Variants in IL1RAPL2 observed in about 807,000 individuals in gnomAD.
IL1RAPL2 encodes the protein X-linked interleukin-1 receptor accessory protein-like 2.
A neutral mutation model predicts 44.1 loss-of-function variants in IL1RAPL2; 3 were observed. That is an observed-to-expected ratio of 0.07 (90% confidence interval 0.03 to 0.18). The LOEUF is 0.18. Among genes scored for constraint, IL1RAPL2 ranks in the 10% least tolerant of loss-of-function variants. IL1RAPL2 has a pLI of 1.00. For synonymous variants in IL1RAPL2, 181 were observed against 178.8 expected, an observed-to-expected ratio of 1.01 and a Z score of -0.10; for missense variants, 391 against 496.4, an observed-to-expected ratio of 0.79 and a Z score of 2.02.
chrX:104,774,993 C>T (rs1932695191), intron 2 of IL1RAPL2, among the ~76,000 whole-genome samples: 1 of 112,066 alleles, frequency 8.9e-6, no homozygotes, highest in African/African-American at 3.2e-5. Context: ...GCCAGTCTTC[C>T]TACTCCATCA....
In IL1RAPL2 at chrX:105,282,251, G is replaced by A. The variant is rs770576150; in HGVS notation, c.697+14710G>A. Reference sequence around the variant, plus strand: ...TGAGTCCGGAGGACAAGCATGTTGAGGAAACTGGACTTTTCCTGTCTAGCA... The same window carrying A: ...TGAGTCCGGAGGACAAGCATGTTGAAGAAACTGGACTTTTCCTGTCTAGCA... On this transcript the variant is annotated intron_variant, in intron 5 of 10. Coordinates refer to ENST00000372582, the MANE Select transcript of IL1RAPL2 (RefSeq NM_017416.2). Among the ~76,000 whole-genome samples the A allele has an allele frequency of 9.8e-5, 11 of 112,130 alleles. No homozygotes were observed. The South Asian group carries it at 4.1e-3, about 42-fold the overall frequency.
Position 105,307,274 on chromosome X carries a change from A to T in IL1RAPL2, c.697+39733A>T, listed in dbSNP as rs1199924488. Among the ~76,000 whole-genome samples the T allele has an allele frequency of 1.8e-4, 17 of 96,274 alleles. 1 individual carries two copies. Among genetic ancestry groups the T allele is most frequent in the Admixed American group, 2.5e-4 (2 of 7,877 alleles). The allele number at this position is 96,274 out of a possible 115,157, so 83.6% of individuals were successfully genotyped here. On this transcript the variant is annotated intron_variant, in intron 5 of 10. Coordinates refer to ENST00000372582, the MANE Select transcript of IL1RAPL2 (RefSeq NM_017416.2). ...AGACCACATCTCTCCCAAAAAAAAA[A>T]TTTTTTTTTAAATTAGCTAGGCATG...
intron 1 of IL1RAPL2, among the ~76,000 whole-genome samples, chrX:104,609,271 G>A (rs1929091390): frequency 9.0e-6 from 1 of 111,635 alleles, no homozygotes; most frequent in Non-Finnish European, 1.9e-5. Flanking sequence ...CTTTCTCTCT[G>A]GCTGCCCTTA....
intron 2 of IL1RAPL2, among the ~76,000 whole-genome samples, chrX:104,792,356 A>G (rs1304006450): frequency 9.0e-6 from 1 of 110,975 alleles, no homozygotes; most frequent in Non-Finnish European, 1.9e-5. Context: ...CTGTCTAGTA[A>G]GGTTTCCCAA....
At chrX:104,583,831 G>A (rs1928458729) in intron 1 of IL1RAPL2, among the ~76,000 whole-genome samples, 1 of 111,716 alleles carries the variant, frequency 9.0e-6, no homozygotes, top group African/African-American at 3.3e-5. Flanking sequence ...AACATATTTG[G>A]AAAACTAGAC....
chrX:105,040,793 C>A (rs1200644644), intron 2 of IL1RAPL2, among the ~76,000 whole-genome samples: 1 of 106,495 alleles, frequency 9.4e-6, no homozygotes, highest in Non-Finnish European at 1.9e-5. Flanking sequence ...GTCTTGCTAG[C>A]GGTCTATCAA....
At chrX:105,297,639 G>T (rs958123812) in intron 5 of IL1RAPL2, among the ~76,000 whole-genome samples, 20 of 110,714 alleles carry the variant, frequency 1.8e-4, no homozygotes, top group African/African-American at 6.2e-4. Flanking sequence ...ACAAGAACAG[G>T]GTGGGGGAAA....
intron 2 of IL1RAPL2, among the ~76,000 whole-genome samples, chrX:105,037,008 G>A (rs901709680): frequency 8.9e-6 from 1 of 111,875 alleles, no homozygotes; most frequent in Non-Finnish European, 1.9e-5. Context: ...CAAGAAACAC[G>A]GAAATCTAGA....
chrX:105,233,017 C>G (rs781802719), intron 3 of IL1RAPL2, among the ~76,000 whole-genome samples: 2 of 112,109 alleles, frequency 1.8e-5, no homozygotes, highest in South Asian at 3.7e-4. Context: ...GGCCAGGCGC[C>G]GTGGCTCATG....
intron 2 of IL1RAPL2, among the ~76,000 whole-genome samples, chrX:104,906,005 G>C (rs1223700042): frequency 9.1e-6 from 1 of 109,622 alleles, no homozygotes; most frequent in Non-Finnish European, 1.9e-5. Context: ...AGTTCTCCTT[G>C]AAGAGGTCCT....
In IL1RAPL2 at chrX:104,759,607, C is replaced by T. The variant is rs182925357; in HGVS notation, c.82+100612C>T. ...ACAAATATTTTCTTACCTGTGAAAA[C>T]CAGAGGCTTTCACTAAGTCAAGCCA... On this transcript the variant is annotated intron_variant, in intron 2 of 10. Transcript: ENST00000372582. 2.8e-3 allele frequency among the ~76,000 whole-genome samples: 309 copies of T among 110,876 alleles called. 1 individual carries two copies. Among genetic ancestry groups the T allele is most frequent in the African/African-American group, 9.6e-3 (293 of 30,578 alleles).
chrX:104,819,654 C>G (rs1439467044), intron 2 of IL1RAPL2, among the ~76,000 whole-genome samples: 1 of 112,022 alleles, frequency 8.9e-6, no homozygotes, highest in Non-Finnish European at 1.9e-5. Flanking sequence ...GTAGCCAACA[C>G]TCTCCTAGTA....
intron 1 of IL1RAPL2, among the ~76,000 whole-genome samples, chrX:104,609,361 G>A (rs944936853): frequency 9.0e-6 from 1 of 111,650 alleles, no homozygotes; most frequent in Non-Finnish European, 1.9e-5. Flanking sequence ...GAGAACGTTT[G>A]TGGTGTTCTC....
intron 2 of IL1RAPL2, among the ~76,000 whole-genome samples, chrX:105,136,719 C>T (rs1416001963): frequency 8.9e-6 from 1 of 112,231 alleles, no homozygotes; most frequent in African/African-American, 3.2e-5. Context: ...TCTAACTCCT[C>T]TTCATTGTAT....
intron 5 of IL1RAPL2, among the ~76,000 whole-genome samples, chrX:105,275,128 T>G: frequency 9.1e-6 from 1 of 110,367 alleles, no homozygotes; most frequent in Middle Eastern, 4.7e-3. Context: ...AGAGAAAAAC[T>G]TGAACTCGGG....
intron 5 of IL1RAPL2, among the ~76,000 whole-genome samples, chrX:105,324,304 A>G (rs1322803622): frequency 9.0e-6 from 1 of 111,389 alleles, no homozygotes; most frequent in African/African-American, 3.3e-5. Flanking sequence ...CTTCAGGTAA[A>G]TAGATGTACT....
chrX:105,083,626 G>T (rs2032442504), intron 2 of IL1RAPL2, among the ~76,000 whole-genome samples: 1 of 112,117 alleles, frequency 8.9e-6, no homozygotes, highest in Non-Finnish European at 1.9e-5. Flanking sequence ...TCCTTCTGCA[G>T]AAACTCTACA....
intron 2 of IL1RAPL2, among the ~76,000 whole-genome samples, chrX:104,846,075 G>T (rs1050498210): frequency 9.0e-6 from 1 of 111,545 alleles, no homozygotes; most frequent in Non-Finnish European, 1.9e-5. Flanking sequence ...GTATTGGGCC[G>T]ATATCATTTT....
intron 1 of IL1RAPL2, among the ~76,000 whole-genome samples, chrX:104,567,651 G>T (rs768069898): frequency 1.8e-5 from 2 of 112,216 alleles, no homozygotes; most frequent in East Asian, 5.7e-4. Flanking sequence ...AAGAATCCCC[G>T]ATACCCCTAG....
Sources: gnomAD v4.1 joint callset for allele counts (sites outside exome capture counted in the v4.1 genomes callset) on GRCh38, gnomAD v4.1.1 for gene constraint, MANE v1.5 for transcripts, NCBI Gene and HGNC (gene_info 2026-07-23, HGNC 2026-07-21) for gene names.